SLC38A1: variants seen among roughly 807,000 people sequenced by gnomAD.
SLC38A1 encodes the protein sodium-coupled neutral amino acid symporter 1.
Under a neutral mutation model 60.3 loss-of-function variants are expected in SLC38A1, and 18 were observed. That is an observed-to-expected ratio of 0.30 (90% CI 0.21 to 0.44). The LOEUF is 0.44. SLC38A1 is among the 20% of genes least tolerant of loss of function. The pLI is 1.00. For missense variants in SLC38A1, 448 were observed against 587.2 expected, an observed-to-expected ratio of 0.76 and a Z score of 2.45; for synonymous variants, 196 against 212.1, an observed-to-expected ratio of 0.92 and a Z score of 0.66.
intron 11 of SLC38A1, among the ~76,000 whole-genome samples, chr12:46,203,613 C>G (rs1195319237): frequency 6.6e-6 from 1 of 152,208 alleles, no homozygotes; most frequent in Non-Finnish European, 1.5e-5. Context: ...TCCTTACAAT[C>G]AGAGAGAAGG....
intron 5 of SLC38A1, among the ~76,000 whole-genome samples, chr12:46,211,072 G>T (rs1049618553): frequency 6.6e-6 from 1 of 152,048 alleles, no homozygotes; most frequent in Non-Finnish European, 1.5e-5. Context: ...TTTTTTTCCC[G>T]TCAAGTAAGA....
Position 46,188,742 on chromosome 12 carries a change from A to T in SLC38A1, c.*228T>A. 2.4e-6 allele frequency: 1 copy of T among 425,464 alleles called. No homozygotes were observed. The highest frequency in any genetic ancestry group is 4.2e-6 in the Non-Finnish European group (1 of 235,714). The allele number at this position is 425,464 out of a possible 1,614,324, so 26.4% of individuals were successfully genotyped here. ...AGTACTGGGAAATATGATTGTATGAAATTTGAAAAAAAAATTTCACAATCC... is the reference window on the plus strand; with the variant it reads ...AGTACTGGGAAATATGATTGTATGATATTTGAAAAAAAAATTTCACAATCC... On this transcript the variant is annotated 3_prime_UTR_variant, in exon 17 of 17. Transcript: ENST00000398637.
chr12:46,256,279 C>T (rs906834649), intron 1 of SLC38A1, among the ~76,000 whole-genome samples: 1 of 151,500 alleles, frequency 6.6e-6, no homozygotes, highest in Non-Finnish European at 1.5e-5. Flanking sequence ...TACCAGTAAT[C>T]TTTAAAACTG....
chr12:46,246,691 AC>A (rs1941631330), intron 1 of SLC38A1, among the ~76,000 whole-genome samples: 1 of 152,224 alleles, frequency 6.6e-6, no homozygotes, highest in South Asian at 2.1e-4. Context: ...CTGAGAACAG[AC>A]AGACTGCCTC....
intron 16 of SLC38A1, among the ~76,000 whole-genome samples, chr12:46,195,503 C>A (rs1939330421): frequency 6.6e-6 from 1 of 152,200 alleles, no homozygotes; most frequent in Non-Finnish European, 1.5e-5. Context: ...TTTAAGTCTG[C>A]AAAAGCTGTC....
intron 5 of SLC38A1, among the ~76,000 whole-genome samples, chr12:46,213,266 T>C (rs1484498234): frequency 6.6e-6 from 1 of 152,222 alleles, no homozygotes; most frequent in Admixed American, 6.5e-5. Context: ...CTTTTCATTC[T>C]TTTTGAGCTT....
At chr12:46,199,497 G>A (rs543512175) in intron 13 of SLC38A1, among the ~76,000 whole-genome samples, 1 of 151,628 alleles carries the variant, frequency 6.6e-6, no homozygotes, top group African/African-American at 2.4e-5. Context: ...CTACAGGCAT[G>A]TGCCACCATG....
chr12:46,230,619 G>A (rs761073054), intron 3 of SLC38A1, among the ~76,000 whole-genome samples: 29 of 152,160 alleles, frequency 1.9e-4, no homozygotes, highest in Admixed American at 5.2e-4. Flanking sequence ...CTTGAGATGG[G>A]AACAATTCAG....
At chr12:46,264,387 C>A (rs1942290184) in intron 1 of SLC38A1, among the ~76,000 whole-genome samples, 1 of 152,086 alleles carries the variant, frequency 6.6e-6, no homozygotes, top group Non-Finnish European at 1.5e-5. Context: ...CACATTGTAA[C>A]CTCACTTGAA....
At chr12:46,246,757 G>C (rs1483529170) in intron 1 of SLC38A1, among the ~76,000 whole-genome samples, 1 of 152,172 alleles carries the variant, frequency 6.6e-6, no homozygotes, top group African/African-American at 2.4e-5. Context: ...CTCCTAGTAG[G>C]GGCTGACTGA....
chr12:46,208,670 C>T (rs969612079), intron 6 of SLC38A1, among the ~76,000 whole-genome samples: 1 of 152,142 alleles, frequency 6.6e-6, no homozygotes, highest in Non-Finnish European at 1.5e-5. Context: ...GGAATATGCA[C>T]AAGAGAATGA....
At chr12:46,255,415 G>C (rs1272232021) in intron 1 of SLC38A1, among the ~76,000 whole-genome samples, 1 of 152,148 alleles carries the variant, frequency 6.6e-6, no homozygotes, top group Non-Finnish European at 1.5e-5. Flanking sequence ...TACCCCTTTA[G>C]TTTTAGCCAA....
chr12:46,241,676 A>G (rs1941454185), intron 2 of SLC38A1, among the ~76,000 whole-genome samples: 1 of 152,128 alleles, frequency 6.6e-6, no homozygotes, highest in Non-Finnish European at 1.5e-5. Context: ...GTGATGTTTT[A>G]CCATCTGCCT....
At chr12:46,241,609 C>T (rs886746880) in intron 2 of SLC38A1, among the ~76,000 whole-genome samples, 1 of 152,210 alleles carries the variant, frequency 6.6e-6, no homozygotes, top group African/African-American at 2.4e-5. Flanking sequence ...CCTCTAACCA[C>T]AGTGGTGGTG....
intron 1 of SLC38A1, chr12:46,267,379 C>T (rs1942386439): frequency 1.3e-5 from 2 of 152,280 alleles, no homozygotes. Context: ...AGACAAAGGA[C>T]TCTGAATTGT....
At chr12:46,229,385 A>T (rs1462354127) in intron 4 of SLC38A1, 117 bp from the exon 5 acceptor site, 1 of 824,170 alleles carries the variant, frequency 1.2e-6, no homozygotes, top group African/African-American at 1.7e-5. Context: ...AAGAAAATCC[A>T]TTCTTAGTTA....
At chr12:46,249,376 G>T (rs1160700348) in intron 1 of SLC38A1, among the ~76,000 whole-genome samples, 2 of 152,084 alleles carry the variant, frequency 1.3e-5, no homozygotes, top group Admixed American at 1.3e-4. Context: ...GCCCACAAGA[G>T]AAAGCAGGAA....
Position 46,188,964 on chromosome 12 carries a change from C to T in SLC38A1, c.*6G>A, listed in dbSNP as rs752919199. On this transcript the variant is annotated 3_prime_UTR_variant, in exon 17 of 17. Coordinates refer to ENST00000398637, the MANE Select transcript of SLC38A1 (RefSeq NM_030674.4). ...CAACAGGGATGTTTCTTTTTCTCGG[C>T]GGGTTTCAGTGGCCTTCGTCACTAC... is the stretch of plus-strand genomic sequence containing the variant. The T allele has an allele frequency of 3.8e-5, 62 of 1,610,450 alleles. No homozygotes were observed. Among genetic ancestry groups the T allele is most frequent in the Non-Finnish European group, 4.9e-5 (58 of 1,178,290 alleles).
intron 9 of SLC38A1, among the ~76,000 whole-genome samples, chr12:46,205,444 T>A (rs565790918): frequency 5.9e-5 from 9 of 152,284 alleles, no homozygotes; most frequent in African/African-American, 2.2e-4. Flanking sequence ...TTAAAGTAAA[T>A]ACATTTTATA....
Sources: allele counts gnomAD v4.1 joint callset (sites outside exome capture counted in the v4.1 genomes callset), GRCh38; gene constraint gnomAD v4.1.1; transcripts MANE v1.5; gene names NCBI Gene and HGNC (gene_info 2026-07-23, HGNC 2026-07-21).